CADM1: variants seen among roughly 807,000 people sequenced by gnomAD.
CADM1 encodes cell adhesion molecule 1, also known as TSLC-1.
Under a neutral mutation model 53.1 loss-of-function variants are expected in CADM1, and 15 were observed. The ratio of observed to expected loss-of-function variants is 0.28; its 90% confidence interval spans 0.19 to 0.44. The LOEUF is 0.44. Ranked by LOEUF, CADM1 falls within the 20% of genes least tolerant of loss-of-function variation. The pLI, the probability that CADM1 is intolerant of heterozygous loss-of-function variation, is 1.00. For missense variants in CADM1, 434 were observed against 611.3 expected (o/e 0.71, Z 3.06); for synonymous variants, 281 against 243.0 (o/e 1.16, Z -1.45).
intron 1 of CADM1, among the ~76,000 whole-genome samples, chr11:115,280,766 C>T (rs908810169): frequency 2.0e-5 from 3 of 152,194 alleles, no homozygotes; most frequent in Non-Finnish European, 2.9e-5. Flanking sequence ...ACCAGGCTGG[C>T]AGACAGGAGG....
intron 1 of CADM1, among the ~76,000 whole-genome samples, chr11:115,430,057 C>A (rs1264208313): frequency 6.6e-6 from 1 of 152,008 alleles, no homozygotes; most frequent in Admixed American, 6.6e-5. Context: ...AAAAATCATA[C>A]CAAATAGGGT....
intron 1 of CADM1, among the ~76,000 whole-genome samples, chr11:115,338,417 C>A (rs1241752999): frequency 6.6e-6 from 1 of 152,112 alleles, no homozygotes; most frequent in African/African-American, 2.4e-5. Flanking sequence ...ACCTAGTGTT[C>A]ATGTCTCAAA....
intron 1 of CADM1, among the ~76,000 whole-genome samples, chr11:115,469,918 C>A (rs1412690638): frequency 1.3e-5 from 2 of 152,182 alleles, no homozygotes; most frequent in African/African-American, 2.4e-5. Context: ...GTCATCCCAC[C>A]CGCCTCGGCC....
chr11:115,303,512 T>A (rs975508289), intron 1 of CADM1, among the ~76,000 whole-genome samples: 3 of 152,124 alleles, frequency 2.0e-5, no homozygotes, highest in African/African-American at 7.2e-5. Flanking sequence ...GATAGTTTTA[T>A]AGTGTTTGTT....
At chr11:115,383,137 A>G (rs1239421651) in intron 1 of CADM1, among the ~76,000 whole-genome samples, 1 of 152,178 alleles carries the variant, frequency 6.6e-6, no homozygotes, top group Non-Finnish European at 1.5e-5. Flanking sequence ...CTTCTATAAC[A>G]TTTTAACAGT....
intron 1 of CADM1, among the ~76,000 whole-genome samples, chr11:115,419,198 T>C (rs531012804): frequency 1.5e-4 from 23 of 152,346 alleles, no homozygotes; most frequent in African/African-American, 4.3e-4. Flanking sequence ...CTTTATGCTG[T>C]TCACAATTAC....
chr11:115,403,106 A>C (rs1947205628), intron 1 of CADM1, among the ~76,000 whole-genome samples: 1 of 152,246 alleles, frequency 6.6e-6, no homozygotes, highest in Non-Finnish European at 1.5e-5. Flanking sequence ...CGTTGCCAAT[A>C]ACAGGATAAA....
chr11:115,209,080 T>C (rs934780314), intron 8 of CADM1, among the ~76,000 whole-genome samples: 1 of 152,184 alleles, frequency 6.6e-6, no homozygotes, highest in Non-Finnish European at 1.5e-5. Flanking sequence ...CACAAACAGG[T>C]AGTATCACTT....
chr11:115,211,159 T>C (rs1234951778), intron 7 of CADM1, among the ~76,000 whole-genome samples: 3 of 149,728 alleles, frequency 2.0e-5, no homozygotes, highest in Non-Finnish European at 4.5e-5. Flanking sequence ...TGTTCAGTCT[T>C]GCTCCTTCAC....
intron 1 of CADM1, among the ~76,000 whole-genome samples, chr11:115,448,187 T>C (rs912218271): frequency 1.3e-5 from 2 of 152,196 alleles, no homozygotes; most frequent in Non-Finnish European, 2.9e-5. Context: ...GTACCTCTCA[T>C]CCCTATTCTT....
chr11:115,351,294 A>C (rs1416404508), intron 1 of CADM1, among the ~76,000 whole-genome samples: 1 of 152,156 alleles, frequency 6.6e-6, no homozygotes, highest in Non-Finnish European at 1.5e-5. Flanking sequence ...ATAGAAACTT[A>C]GGAAGACGTA....
At position 115,175,955 on chromosome 11, in the gene CADM1, C is replaced by T. The variant is rs1224681405; in HGVS notation, c.*519G>A. ...CTATGAAATCTAAGCTGTGCTGGTT[C>T]TCCTTTTATGAAACTGAATTTGGAA... On this transcript the variant is annotated 3_prime_UTR_variant, in exon 12 of 12. Transcript: ENST00000331581. The T allele has an allele frequency of 2.5e-5, 26 of 1,030,954 alleles. No individual in the cohort carries two copies. In the Admixed American group the frequency reaches 1.3e-3, roughly 53 times the overall value. 63.9% of individuals were successfully genotyped at this position (1,030,954 alleles called of 1,614,324 possible).
chr11:115,473,360 A>G (rs974571211), intron 1 of CADM1, among the ~76,000 whole-genome samples: 2 of 152,026 alleles, frequency 1.3e-5, no homozygotes, highest in African/African-American at 4.8e-5. Flanking sequence ...TCGGGAGGCA[A>G]AGGCGGGAGG....
chr11:115,295,991 C>T (rs1197619158), intron 1 of CADM1, among the ~76,000 whole-genome samples: 1 of 152,142 alleles, frequency 6.6e-6, no homozygotes, highest in African/African-American at 2.4e-5. Context: ...CACTCTGTCA[C>T]CCAAGCTGGA....
At chr11:115,189,859 CAT>C (rs1322746730) in intron 10 of CADM1, among the ~76,000 whole-genome samples, 1 of 152,212 alleles carries the variant, frequency 6.6e-6, no homozygotes, top group Non-Finnish European at 1.5e-5. Context: ...CTACAGGCTA[CAT>C]AACAGCAAAG....
chr11:115,180,539 C>T (rs1346639809), intron 10 of CADM1, among the ~76,000 whole-genome samples: 2 of 152,174 alleles, frequency 1.3e-5, no homozygotes, highest in African/African-American at 2.4e-5. Flanking sequence ...AGGAATCTCC[C>T]TCCTCAGCCA....
At chr11:115,275,776 T>C (rs957806392) in intron 1 of CADM1, among the ~76,000 whole-genome samples, 3 of 152,184 alleles carry the variant, frequency 2.0e-5, no homozygotes, top group Non-Finnish European at 4.4e-5. Flanking sequence ...AAAATAAGAA[T>C]GCGTTAGAGG....
At chr11:115,503,170 G>C (rs529553346) in intron 1 of CADM1, among the ~76,000 whole-genome samples, 4 of 152,186 alleles carry the variant, frequency 2.6e-5, no homozygotes, top group Admixed American at 1.3e-4. Flanking sequence ...GTGCAGCACA[G>C]CCGGCCTCTC....
chr11:115,230,343 C>T (rs957491282), intron 4 of CADM1, among the ~76,000 whole-genome samples: 1 of 152,288 alleles, frequency 6.6e-6, no homozygotes, highest in Non-Finnish European at 1.5e-5. Flanking sequence ...AAATACTTTA[C>T]AACTATTCCC....
Sources: allele counts gnomAD v4.1 joint callset (sites outside exome capture counted in the v4.1 genomes callset), GRCh38; gene constraint gnomAD v4.1.1; transcripts MANE v1.5; gene names NCBI Gene and HGNC (gene_info 2026-07-23, HGNC 2026-07-21).